The following LSMEM1 variants were observed in gnomAD, a reference collection of about 807,000 sequenced individuals.
LSMEM1 encodes leucine-rich single-pass membrane protein 1.
Under a neutral mutation model 11.3 loss-of-function variants are expected in LSMEM1, and 10 were observed. The observed-to-expected ratio is 0.89, with a 90% confidence interval of 0.55 to 1.50. The LOEUF (loss-of-function observed/expected upper bound fraction) is 1.50. Among genes scored for constraint, LSMEM1 ranks in the 40% most tolerant of loss-of-function variants. LSMEM1 has a pLI of 0.00. For synonymous variants in LSMEM1, 65 were observed against 59.3 expected (o/e 1.10, Z -0.44); for missense variants, 151 against 152.9 (o/e 0.99, Z 0.06).
chr7:112,487,764 T>G (rs903117457), intron 3 of LSMEM1, among the ~76,000 whole-genome samples: 2 of 152,338 alleles, frequency 1.3e-5, no homozygotes, highest in East Asian at 1.9e-4. Context: ...GTCTTCCCGT[T>G]CTGAGCGTTG....
upstream of LSMEM1, chr7:112,480,840 C>G (rs1244864785): frequency 4.4e-6 from 2 of 456,234 alleles, no homozygotes; most frequent in Non-Finnish European, 4.4e-6. Flanking sequence ...TTGCAGTTCT[C>G]TGGTTTGTCT....
chr7:112,488,588 CATTATTATT>C (rs958028388), intron 3 of LSMEM1, among the ~76,000 whole-genome samples: 5 of 149,908 alleles, frequency 3.3e-5, no homozygotes, highest in Non-Finnish European at 7.4e-5. Flanking sequence ...GTGTAGAATC[CATTATTATT>C]ATTATTATTA....
At chr7:112,484,772 A>G in intron 1 of LSMEM1, 40 bp from the exon 2 acceptor site, 1 of 1,600,554 alleles carries the variant, frequency 6.2e-7, no homozygotes, top group Non-Finnish European at 8.5e-7. Context: ...TGAGTTCACA[A>G]GCCCAACCTC....
intron 1 of LSMEM1, chr7:112,483,549 C>G (rs1796072309): frequency 6.6e-6 from 1 of 152,134 alleles, no homozygotes; most frequent in African/African-American, 2.4e-5. Context: ...CAATAAAATA[C>G]TACAGATGTT....
At chr7:112,485,478 A>G (rs943295999) in intron 2 of LSMEM1, among the ~76,000 whole-genome samples, 4 of 152,218 alleles carry the variant, frequency 2.6e-5, no homozygotes, top group African/African-American at 7.2e-5. Context: ...GCTTTATCAG[A>G]TCACTCTGAG....
chr7:112,481,227 G>C lies in LSMEM1; in HGVS notation c.-125G>C, dbSNP rs1402774727. 1 of 158,592 alleles carries C rather than the reference G, an allele frequency of 6.3e-6. No individual in the cohort carries two copies. 9.8% of individuals were successfully genotyped at this position (158,592 alleles called of 1,614,324 possible). On this transcript the variant is annotated 5_prime_UTR_variant, in exon 1 of 4. Coordinates refer to ENST00000312849, the MANE Select transcript of LSMEM1 (RefSeq NM_182597.3). Reference sequence around the variant, plus strand: ...CCCGTATGCTGAAGAAAGGCAAAGAGAGAACTACAGAATTTGTAGAAAAGT... The same window carrying C: ...CCCGTATGCTGAAGAAAGGCAAAGACAGAACTACAGAATTTGTAGAAAAGT...
chr7:112,481,026 C>T lies in LSMEM1; in HGVS notation c.-326C>T. 2.7e-6 allele frequency: 1 copy of T among 365,898 alleles called. No individual in the cohort carries two copies. The allele number at this position is 365,898 out of a possible 1,614,324, so 22.7% of individuals were successfully genotyped here. A position where few individuals can be genotyped will look rare whatever the true frequency, so the allele number is the denominator to read the frequency against. On this transcript the variant is annotated 5_prime_UTR_variant, in exon 1 of 4. Coordinates refer to ENST00000312849, the MANE Select transcript of LSMEM1 (RefSeq NM_182597.3). ...AAACCTCATCAGTTACCAACTAAATCAGGGCATGGTGTTTTTTTGTTGTTT... is the reference window on the plus strand; with the variant it reads ...AAACCTCATCAGTTACCAACTAAATTAGGGCATGGTGTTTTTTTGTTGTTT...
intron 3 of LSMEM1, among the ~76,000 whole-genome samples, chr7:112,487,928 A>C (rs1290509825): frequency 6.6e-6 from 1 of 152,182 alleles, no homozygotes; most frequent in Non-Finnish European, 1.5e-5. Context: ...TTCACCCTTG[A>C]GTGCTTTGTA....
At chr7:112,481,531 A>G (rs1796033615) in intron 1 of LSMEM1, among the ~76,000 whole-genome samples, 185 bp downstream of exon 1, 1 of 152,240 alleles carries the variant, frequency 6.6e-6, no homozygotes, top group South Asian at 2.1e-4. Context: ...ACAAATTACC[A>G]TGACTCATTC....
At chr7:112,484,726 T>C in intron 1 of LSMEM1, 86 bp from the exon 2 acceptor site, 1 of 1,440,958 alleles carries the variant, frequency 6.9e-7, no homozygotes, top group African/African-American at 1.4e-5. Flanking sequence ...TTCATAGGCC[T>C]GTCTGGCTTC....
intron 3 of LSMEM1, among the ~76,000 whole-genome samples, chr7:112,487,869 G>A (rs955003203): frequency 4.6e-5 from 7 of 152,234 alleles, no homozygotes; most frequent in East Asian, 3.8e-4. Context: ...CTAAGGGAAG[G>A]TGTCATCTTT....
Position 112,490,169 on chromosome 7 carries a change from C to T in LSMEM1, c.*220C>T. ...AAAGGGGTGAACTTGTCTCAGCCCCCTTTTATGGTAGGGCACTTCAACTTT... is the reference window on the plus strand; with the variant it reads ...AAAGGGGTGAACTTGTCTCAGCCCCTTTTTATGGTAGGGCACTTCAACTTT... On this transcript the variant is annotated 3_prime_UTR_variant, in exon 4 of 4. Coordinates refer to ENST00000312849, the MANE Select transcript of LSMEM1 (RefSeq NM_182597.3). 2.2e-6 allele frequency: 1 copy of T among 449,890 alleles called. No individual in the cohort carries two copies. The highest frequency in any genetic ancestry group is 3.9e-6 in the Non-Finnish European group (1 of 255,838). The allele number at this position is 449,890 out of a possible 1,614,324, so 27.9% of individuals were successfully genotyped here. A position where few individuals can be genotyped will look rare whatever the true frequency, so the allele number is the denominator to read the frequency against.
At chr7:112,487,692 C>A (rs1025289169) in intron 3 of LSMEM1, among the ~76,000 whole-genome samples, 13 of 152,240 alleles carry the variant, frequency 8.5e-5, no homozygotes, top group Admixed American at 6.5e-5. Flanking sequence ...ATCCTTCAAG[C>A]CTTCAGCGCC....
At chr7:112,485,149 G>T (rs577012631) in intron 2 of LSMEM1, among the ~76,000 whole-genome samples, 1 of 152,092 alleles carries the variant, frequency 6.6e-6, no homozygotes, top group African/African-American at 2.4e-5. Flanking sequence ...GATCCTACAC[G>T]AGATTTGAAC....
At position 112,490,379 on chromosome 7, in the gene LSMEM1, A is replaced by C. The variant is rs1416122395; in HGVS notation, c.*430A>C. 6.4e-6 allele frequency: 1 copy of C among 156,492 alleles called. No individual in the cohort carries two copies. The highest frequency in any genetic ancestry group is 2.4e-5 in the African/African-American group (1 of 41,502). The allele number at this position is 156,492 out of a possible 1,614,324, so 9.7% of individuals were successfully genotyped here. A position where few individuals can be genotyped will look rare whatever the true frequency, so the allele number is the denominator to read the frequency against. ...CTGAGAAATTCATTGAGTTTTATGT[A>C]TTGAAGGGAACCAGGTGATTACTCT... On this transcript the variant is annotated 3_prime_UTR_variant, in exon 4 of 4. Coordinates refer to ENST00000312849, the MANE Select transcript of LSMEM1 (RefSeq NM_182597.3).
At chr7:112,484,968 C>A (rs1796100945) in intron 2 of LSMEM1, 25 bp downstream of exon 2, 2 of 1,601,830 alleles carry the variant, frequency 1.2e-6, no homozygotes, top group East Asian at 2.3e-5. Context: ...GAAGGCACAG[C>A]AGCCCTTCCT....
At chr7:112,483,956 G>T (rs992247902) in intron 1 of LSMEM1, among the ~76,000 whole-genome samples, 1 of 152,212 alleles carries the variant, frequency 6.6e-6, no homozygotes, top group Non-Finnish European at 1.5e-5. Context: ...ATGGCCACAA[G>T]TTCTCTGTTG....
At position 112,489,969 on chromosome 7, in the gene LSMEM1, C is replaced by T; in HGVS notation, c.*20C>T. On this transcript the variant is annotated 3_prime_UTR_variant, in exon 4 of 4. Coordinates refer to ENST00000312849, the MANE Select transcript of LSMEM1 (RefSeq NM_182597.3). ...AACTAAAGGAATGATTTTCTGAAAG[C>T]ACCTGCTAACACCTTGAGCTTTTTA... The T allele has an allele frequency of 6.2e-7, 1 of 1,604,212 alleles. No homozygotes were observed.
chr7:112,487,136 C>T, intron 3 of LSMEM1, 85 bp downstream of exon 3: 3 of 1,470,014 alleles, frequency 2.0e-6, no homozygotes, highest in Non-Finnish European at 2.8e-6. Flanking sequence ...AGTTTGCACC[C>T]TCCAGTCAAT....
Sources: allele counts gnomAD v4.1 joint callset (sites outside exome capture counted in the v4.1 genomes callset), GRCh38; gene constraint gnomAD v4.1.1; transcripts MANE v1.5; gene names NCBI Gene and HGNC (gene_info 2026-07-23, HGNC 2026-07-21).